ZGLP1: variants seen among roughly 807,000 people sequenced by gnomAD.
ZGLP1 encodes GATA-type zinc finger protein 1.
A neutral mutation model predicts 21.4 loss-of-function variants in ZGLP1; 11 were observed. The ratio of observed to expected loss-of-function variants is 0.51; its 90% CI spans 0.32 to 0.85. The LOEUF (loss-of-function observed/expected upper bound fraction) is 0.85. Ranked by LOEUF, ZGLP1 falls within the 40% of genes least tolerant of loss-of-function variation. The pLI is 0.03. For synonymous variants in ZGLP1, 148 were observed against 145.0 expected, an observed-to-expected ratio of 1.02 and a Z score of -0.15; for missense variants, 295 against 355.6, an observed-to-expected ratio of 0.83 and a Z score of 1.37.
At chr19:10,304,906 C>A (rs1309727475) in exon 4 of ZGLP1, 2 of 594,068 alleles carry the variant, frequency 3.4e-6, no homozygotes, top group Non-Finnish European at 6.0e-6. Flanking sequence ...GGAGAAGGGG[C>A]TGGTGACCCC....
intron 1 of ZGLP1, among the ~76,000 whole-genome samples, chr19:10,307,342 A>C (rs1285506896): frequency 3.5e-5 from 4 of 112,770 alleles, no homozygotes; most frequent in Non-Finnish European, 7.0e-5. Context: ...CCAGCTTCCC[A>C]AAGCTTTTTT....
exon 1 of ZGLP1, chr19:10,309,412 CGCTCCAGGTTCAGACAGGGCG>C (rs2040300040): frequency 6.5e-6 from 1 of 152,694 alleles, no homozygotes; most frequent in Non-Finnish European, 1.5e-5. Flanking sequence ...TCCTCCCAGC[CGCTCCAGGTTCAGACAGGGCG>C]GCGCCAGAAG....
In ZGLP1 at chr19:10,305,746, T is replaced by A. The variant is rs1376355824; in HGVS notation, c.604+100A>T. On this transcript the variant is annotated intron_variant, in intron 2 of 3. Coordinates refer to ENST00000403903, the Ensembl canonical transcript of ZGLP1. The surrounding 1 kb of genome is among the most constrained non-coding windows in gnomAD (Gnocchi z 4.7). ...GCGACTCCTCCCTGAGGGCTCTAAA[T>A]GGGGAAGCAAGATGGAGAAGGGGGG... The A allele has an allele frequency of 1.5e-5, 14 of 957,310 alleles. No individual in the cohort carries two copies. The highest frequency in any genetic ancestry group is 2.1e-5 in the African/African-American group (1 of 46,966). 59.3% of individuals were successfully genotyped at this position (957,310 alleles called of 1,614,324 possible).
rs1016081117 is a variant in ZGLP1 at position 10,305,157 on chromosome 19, T to C, written c.750A>G (p.Lys250=). ...CACATAGCCTCTTGGGCTGGACATT[T>C]TTCCTGGGCACCAGCCAGCAGCTGG... Residue 250 remains lysine, a synonymous_variant, in exon 4 of 4, where the codon AAA becomes AAG. Transcript: ENST00000403903. This position sits in a 1 kb window ranked among gnomAD's most constrained non-coding sequence, Gnocchi z 4.7. The C allele has an allele frequency of 1.2e-6, 2 of 1,613,972 alleles. No homozygotes were observed. Among genetic ancestry groups the C allele is most frequent in the African/African-American group, 2.7e-5 (2 of 75,032 alleles).
At position 10,305,651 on chromosome 19, in the gene ZGLP1, C is replaced by T; in HGVS notation, c.605-168G>A. The T allele has an allele frequency of 1.3e-6, 1 of 742,064 alleles. No homozygotes were observed. The highest frequency in any genetic ancestry group is 2.3e-6 in the Non-Finnish European group (1 of 441,740). The allele number at this position is 742,064 out of a possible 1,614,324, so 46.0% of individuals were successfully genotyped here. A position where few individuals can be genotyped will look rare whatever the true frequency, so the allele number is the denominator to read the frequency against. On this transcript the variant is annotated intron_variant, in intron 2 of 3. Transcript: ENST00000403903. The surrounding 1 kb of genome is among the most constrained non-coding windows in gnomAD (Gnocchi z 4.7). Reference sequence around the variant, plus strand: ...GCCACAGCAAAGCCAGGAAGGGAGACAGATGGCAGCATTCCGCAGAGGAGG... The same window carrying T: ...GCCACAGCAAAGCCAGGAAGGGAGATAGATGGCAGCATTCCGCAGAGGAGG...
rs748316803 is a variant in ZGLP1, at chr19:10,305,152, A to G, written c.755T>C (p.Val252Ala). ...TCTGCCACATAGCCTCTTGGGCTGG[A>G]CATTTTTCCTGGGCACCAGCCAGCA... Residue 252 changes from valine (V) to alanine (A), a missense_variant, in exon 4 of 4, where the codon GTC becomes GCC. Physicochemically the swap from Val to Ala is moderately conservative, Grantham distance 64. Around this residue, in one of 2 missense-constraint regions of ZGLP1, gnomAD observed 43 missense variants for 91.7 expected, o/e 0.47. Coordinates refer to ENST00000403903, the Ensembl canonical transcript of ZGLP1. The surrounding 1 kb of genome is among the most constrained non-coding windows in gnomAD (Gnocchi z 4.7). 6.2e-7 allele frequency: 1 copy of G among 1,613,966 alleles called. No homozygotes were observed. Among genetic ancestry groups the G allele is most frequent in the Non-Finnish European group, 8.5e-7 (1 of 1,179,888 alleles).
rs1441994012 is a variant in ZGLP1, at chr19:10,305,766, G to C, written c.604+80C>G. On this transcript the variant is annotated intron_variant, in intron 2 of 3. Coordinates refer to ENST00000403903, the Ensembl canonical transcript of ZGLP1. This position sits in a 1 kb window ranked among gnomAD's most constrained non-coding sequence, Gnocchi z 4.7. ...CTAAATGGGGAAGCAAGATGGAGAA[G>C]GGGGGGGCAGGGAGAAAGGCAGGGA... 17 of 1,144,760 alleles carry C rather than the reference G, an allele frequency of 1.5e-5. No homozygotes were observed. The South Asian group carries it at 1.8e-4, about 12-fold the overall frequency. The allele number at this position is 1,144,760 out of a possible 1,614,324, so 70.9% of individuals were successfully genotyped here. A position where few individuals can be genotyped will look rare whatever the true frequency, so the allele number is the denominator to read the frequency against.
At chr19:10,306,291 T>C (rs1054852331) in intron 1 of ZGLP1, among the ~76,000 whole-genome samples, 2 of 151,894 alleles carry the variant, frequency 1.3e-5, no homozygotes, top group African/African-American at 4.8e-5. Context: ...TTTTGTATTT[T>C]TAGTACAGAC....
In ZGLP1 at chr19:10,305,551, A is replaced by G; in HGVS notation, c.605-68T>C. 7.2e-7 allele frequency: 1 copy of G among 1,397,746 alleles called. No homozygotes were observed. The highest frequency in any genetic ancestry group is 9.9e-7 in the Non-Finnish European group (1 of 1,007,802). 86.6% of individuals were successfully genotyped at this position (1,397,746 alleles called of 1,614,324 possible). On this transcript the variant is annotated intron_variant, in intron 2 of 3. Transcript: ENST00000403903. This position sits in a 1 kb window ranked among gnomAD's most constrained non-coding sequence, Gnocchi z 4.7. ...ATGTGAGCTCGGGATGCCTGTGCGGAGTCGGGCATTTTGTGGGGGTCTCAG... is the reference window on the plus strand; with the variant it reads ...ATGTGAGCTCGGGATGCCTGTGCGGGGTCGGGCATTTTGTGGGGGTCTCAG...
chr19:10,305,560 T>C lies in ZGLP1; in HGVS notation c.605-77A>G. On this transcript the variant is annotated intron_variant, in intron 2 of 3. Transcript: ENST00000403903. This position sits in a 1 kb window ranked among gnomAD's most constrained non-coding sequence, Gnocchi z 4.7. ...CGGGATGCCTGTGCGGAGTCGGGCA[T>C]TTTGTGGGGGTCTCAGTAAAGGCCC... The C allele has an allele frequency of 1.5e-6, 2 of 1,308,454 alleles. No individual in the cohort carries two copies. Among genetic ancestry groups the C allele is most frequent in the East Asian group, 2.5e-5 (1 of 39,986 alleles). 81.1% of individuals were successfully genotyped at this position (1,308,454 alleles called of 1,614,324 possible). A position where few individuals can be genotyped will look rare whatever the true frequency, so the allele number is the denominator to read the frequency against.
rs772785407 is a variant in ZGLP1 at position 10,305,815 on chromosome 19, T to C, written c.604+31A>G. 6 of 1,511,776 alleles carry C rather than the reference T, an allele frequency of 4.0e-6. No individual in the cohort carries two copies. Among genetic ancestry groups the C allele is most frequent in the Admixed American group, 2.0e-5 (1 of 50,894 alleles). 93.6% of individuals were successfully genotyped at this position (1,511,776 alleles called of 1,614,324 possible). On this transcript the variant is annotated intron_variant, in intron 2 of 3. Transcript: ENST00000403903. The surrounding 1 kb of genome is among the most constrained non-coding windows in gnomAD (Gnocchi z 4.7). Reference sequence around the variant, plus strand: ...GAAGACAGGAAATTGGCCCCCAAAATATTTATAGCTCTTGGGTTTTCAGGA... The same window carrying C: ...GAAGACAGGAAATTGGCCCCCAAAACATTTATAGCTCTTGGGTTTTCAGGA...
chr19:10,308,516 C>T (rs772205670), exon 1 of ZGLP1: 6 of 1,607,572 alleles, frequency 3.7e-6, no homozygotes, highest in East Asian at 2.2e-5. Flanking sequence ...AAGCACAGGG[C>T]GGTGACCGAC....
exon 1 of ZGLP1, chr19:10,308,711 T>C (rs750554908): frequency 4.1e-6 from 6 of 1,461,872 alleles, no homozygotes; most frequent in Non-Finnish European, 5.4e-6. Flanking sequence ...GTTTAAGAGT[T>C]GCAGTAATTG....
At position 10,305,477 on chromosome 19, in the gene ZGLP1, C is replaced by A; in HGVS notation, c.611G>T (p.Arg204Leu). 6.3e-7 allele frequency: 1 copy of A among 1,594,260 alleles called. No homozygotes were observed. Residue 204 changes from arginine to leucine, a missense_variant, in exon 3 of 4, where the codon CGG becomes CTG. Physicochemically the swap from Arg to Leu is moderately radical, Grantham distance 102 (BLOSUM62 -2). Transcript: ENST00000403903. The surrounding 1 kb of genome is among the most constrained non-coding windows in gnomAD (Gnocchi z 4.7). ...CTGGGTCCGACAGGAAGCACAGCGC[C>A]GGGGCTCTGAAGGGTCAGAGGTCAA...
At chr19:10,308,249 C>G in exon 1 of ZGLP1, 1 of 1,588,266 alleles carries the variant, frequency 6.3e-7, no homozygotes, top group Non-Finnish European at 8.6e-7. Context: ...GTCACCCCCT[C>G]GAACCCAGGG....
intron 1 of ZGLP1, among the ~76,000 whole-genome samples, chr19:10,306,221 T>C (rs1568304786): frequency 6.6e-6 from 1 of 151,930 alleles, no homozygotes; most frequent in Non-Finnish European, 1.5e-5. Flanking sequence ...CAAGCAATTC[T>C]TGAGCCTCAG....
chr19:10,308,060 G>T, intron 1 of ZGLP1, 125 bp downstream of exon 2: 1 of 1,341,806 alleles, frequency 7.5e-7, no homozygotes, highest in South Asian at 1.7e-5. Context: ...ACCAGAGACT[G>T]GGCCACGTGT....
Position 10,305,548 on chromosome 19 carries a change from C to A in ZGLP1, c.605-65G>T. 1 of 1,399,406 alleles carries A rather than the reference C, an allele frequency of 7.1e-7. No homozygotes were observed. Among genetic ancestry groups the A allele is most frequent in the South Asian group, 1.2e-5 (1 of 81,170 alleles). The allele number at this position is 1,399,406 out of a possible 1,614,324, so 86.7% of individuals were successfully genotyped here. ...AGCATGTGAGCTCGGGATGCCTGTG[C>A]GGAGTCGGGCATTTTGTGGGGGTCT... On this transcript the variant is annotated intron_variant, in intron 2 of 3. Coordinates refer to ENST00000403903, the Ensembl canonical transcript of ZGLP1. The surrounding 1 kb of genome is among the most constrained non-coding windows in gnomAD (Gnocchi z 4.7).
At chr19:10,308,331 C>A (rs767271194) in exon 1 of ZGLP1, 2 of 1,610,674 alleles carry the variant, frequency 1.2e-6, no homozygotes, top group South Asian at 1.1e-5. Flanking sequence ...CCGAGGGAGT[C>A]CCCGGGGGCT....
Sources: allele counts gnomAD v4.1 joint callset (sites outside exome capture counted in the v4.1 genomes callset), GRCh38; gene constraint gnomAD v4.1.1; regional missense constraint gnomAD v4.1.1; non-coding constraint Gnocchi (gnomAD v3.1); transcripts MANE v1.5; gene names NCBI Gene and HGNC (gene_info 2026-07-23, HGNC 2026-07-21).